The following ITGA9 variants were observed in gnomAD, a reference collection of about 807,000 sequenced individuals.
The protein encoded by ITGA9 is integrin alpha-9.
Under a neutral mutation model 127.8 loss-of-function variants are expected in ITGA9, and 56 were observed. The observed-to-expected ratio is 0.44, with a 90% CI of 0.35 to 0.55. ITGA9 has a LOEUF of 0.55. Among genes scored for constraint, ITGA9 ranks in the 20% least tolerant of loss-of-function variants. The probability of loss-of-function intolerance (pLI) is 0.00; values close to 1 mark genes in which losing one functional copy is unlikely to be tolerated. For missense variants in ITGA9, 1,196 were observed against 1,347.1 expected (o/e 0.89, Z 1.76); for synonymous variants, 508 against 514.5 (o/e 0.99, Z 0.17).
chr3:37,490,426 A>G (rs1471072280), intron 4 of ITGA9, among the ~76,000 whole-genome samples: 7 of 152,226 alleles, frequency 4.6e-5, no homozygotes, highest in African/African-American at 1.7e-4. Context: ...TTCCCCCAGT[A>G]TTTTATTTCA....
At chr3:37,481,759 C>T in intron 4 of ITGA9, 152 bp downstream of exon 4, 2 of 1,081,688 alleles carry the variant, frequency 1.8e-6, no homozygotes, top group Non-Finnish European at 1.4e-6. Flanking sequence ...GTCTCTTGGT[C>T]CCCAAGGCCC....
chr3:37,742,728 C>T (rs2125533945), intron 21 of ITGA9, among the ~76,000 whole-genome samples: 1 of 152,288 alleles, frequency 6.6e-6, no homozygotes, highest in Middle Eastern at 3.4e-3. Context: ...AATGTTGATC[C>T]CTTGCAGGGA....
intron 27 of ITGA9, among the ~76,000 whole-genome samples, chr3:37,817,802 T>C (rs1697454234): frequency 1.3e-5 from 2 of 152,170 alleles, no homozygotes; most frequent in South Asian, 4.1e-4. Flanking sequence ...TCTTACCATA[T>C]GTGAAAAGTT....
chr3:37,793,152 T>C (rs139019541), intron 26 of ITGA9, among the ~76,000 whole-genome samples: 2 of 152,112 alleles, frequency 1.3e-5, no homozygotes, highest in East Asian at 3.9e-4. Flanking sequence ...AACCCATTTC[T>C]AAATTGAAAT....
intron 17 of ITGA9, among the ~76,000 whole-genome samples, chr3:37,656,750 G>A (rs1197321972): frequency 6.6e-6 from 1 of 152,130 alleles, no homozygotes; most frequent in Non-Finnish European, 1.5e-5. Context: ...GATGAGCGAG[G>A]GCATCCTTGT....
At chr3:37,620,375 C>T (rs1351975076) in intron 15 of ITGA9, among the ~76,000 whole-genome samples, 2 of 152,176 alleles carry the variant, frequency 1.3e-5, no homozygotes, top group Non-Finnish European at 2.9e-5. Context: ...CCCTGCCCCT[C>T]CCCCGTGATC....
intron 23 of ITGA9, among the ~76,000 whole-genome samples, chr3:37,760,212 G>A (rs771405782): frequency 1.3e-5 from 2 of 150,926 alleles, no homozygotes; most frequent in Admixed American, 6.6e-5. Flanking sequence ...GCGGTGAGCC[G>A]AGATCACACC....
chr3:37,539,464 C>A (rs1293429597), intron 14 of ITGA9, among the ~76,000 whole-genome samples: 2 of 152,120 alleles, frequency 1.3e-5, no homozygotes, highest in African/African-American at 4.8e-5. Context: ...TCTGGGAAGT[C>A]TGAATTCTTG....
At chr3:37,554,586 C>T (rs1396420477) in intron 15 of ITGA9, among the ~76,000 whole-genome samples, 3 of 151,936 alleles carry the variant, frequency 2.0e-5, no homozygotes, top group South Asian at 2.1e-4. Context: ...GCAGCAGGAA[C>T]GGGGTTAGGA....
intron 4 of ITGA9, among the ~76,000 whole-genome samples, chr3:37,483,058 AC>A (rs1236051881): frequency 1.3e-5 from 2 of 152,134 alleles, no homozygotes; most frequent in Non-Finnish European, 2.9e-5. Flanking sequence ...CTCTGGAACA[AC>A]CGGTGGGGCA....
intron 15 of ITGA9, among the ~76,000 whole-genome samples, chr3:37,626,033 A>T (rs556929582): frequency 2.4e-4 from 37 of 152,306 alleles, no homozygotes; most frequent in Non-Finnish European, 3.5e-4. Context: ...ATCCAAAATA[A>T]GATATGCCAC....
At chr3:37,718,305 A>G (rs755460118) in intron 18 of ITGA9, among the ~76,000 whole-genome samples, 1 of 152,244 alleles carries the variant, frequency 6.6e-6, no homozygotes, top group Non-Finnish European at 1.5e-5. Context: ...GGAGCACAGC[A>G]GGTAGGCACC....
chr3:37,661,222 G>A (rs888809779), intron 17 of ITGA9, among the ~76,000 whole-genome samples: 1 of 152,142 alleles, frequency 6.6e-6, no homozygotes, highest in African/African-American at 2.4e-5. Context: ...AGTCTTTATT[G>A]CAATGCCGTC....
At chr3:37,535,320 A>G (rs1699197560) in intron 14 of ITGA9, among the ~76,000 whole-genome samples, 1 of 152,262 alleles carries the variant, frequency 6.6e-6, no homozygotes. Flanking sequence ...AGAAACCAAG[A>G]TGCAAGTTAG....
chr3:37,747,264 A>G (rs994878482), intron 22 of ITGA9, among the ~76,000 whole-genome samples: 1 of 152,024 alleles, frequency 6.6e-6, no homozygotes, highest in African/African-American at 2.4e-5. Flanking sequence ...TTTCATTTTA[A>G]TTTTTGTGAG....
chr3:37,770,539 G>A (rs77696124), intron 23 of ITGA9, among the ~76,000 whole-genome samples: 4,610 of 152,240 alleles, frequency 0.03, 97 homozygotes, highest in Non-Finnish European at 0.047. Context: ...CCTCCAAGCC[G>A]TTTATCTGAC....
chr3:37,526,084 A>G lies in ITGA9; in HGVS notation c.1373+13A>G, dbSNP rs550255143. 1.2e-5 allele frequency: 20 copies of G among 1,611,540 alleles called. No homozygotes were observed. In the East Asian group the frequency reaches 4.0e-4, roughly 32 times the overall value. On this transcript the variant is annotated intron_variant, in intron 13 of 27. Transcript: ENST00000264741. ...TGGTTCTTCTCAGGTGAGAGGCCCC[A>G]CTCTTGCTCCTTGAATTGTGCTGTT...
At chr3:37,503,108 G>T in intron 5 of ITGA9, 70 bp from the exon 6 acceptor site, 3 of 1,574,426 alleles carry the variant, frequency 1.9e-6, no homozygotes, top group Non-Finnish European at 2.6e-6. Flanking sequence ...TGTGACTGTG[G>T]TTCTCATTGC....
chr3:37,663,594 A>C (rs909558013), intron 17 of ITGA9, among the ~76,000 whole-genome samples: 2 of 152,234 alleles, frequency 1.3e-5, no homozygotes, highest in Non-Finnish European at 2.9e-5. Context: ...CCAGAGAGCT[A>C]TTTAGAGTTT....
Sources: allele counts gnomAD v4.1 joint callset (sites outside exome capture counted in the v4.1 genomes callset), GRCh38; gene constraint gnomAD v4.1.1; transcripts MANE v1.5; gene names NCBI Gene and HGNC (gene_info 2026-07-23, HGNC 2026-07-21).